Variants in USP34 observed in about 807,000 individuals in gnomAD.
The protein encoded by USP34 is ubiquitin specific peptidase 34, also known as ubiquitin carboxyl-terminal hydrolase 34.
Under a neutral mutation model 460.3 loss-of-function variants are expected in USP34, and 70 were observed. The observed-to-expected ratio is 0.15, with a 90% confidence interval of 0.13 to 0.19. USP34 has a LOEUF of 0.19. USP34 is among the 10% of genes least tolerant of loss of function. The pLI is 1.00. For missense variants in USP34, 3,985 were observed against 4,236.2 expected (o/e 0.94, Z 1.65); for synonymous variants, 1,647 against 1,405.3 (o/e 1.17, Z -3.85).
intron 3 of USP34, among the ~76,000 whole-genome samples, chr2:61,397,463 C>G (rs1033188415): frequency 6.8e-6 from 1 of 147,712 alleles, no homozygotes; most frequent in South Asian, 2.2e-4. Context: ...AAAAAAAATT[C>G]ACGCTGAAAA....
intron 41 of USP34, among the ~76,000 whole-genome samples, chr2:61,272,038 T>C (rs1284815674): frequency 2.6e-5 from 4 of 152,236 alleles, no homozygotes; most frequent in African/African-American, 7.2e-5. Flanking sequence ...TTACCGCCTA[T>C]TACCCTCTGA....
At chr2:61,227,958 A>G (rs1180737674) in intron 61 of USP34, among the ~76,000 whole-genome samples, 1 of 152,210 alleles carries the variant, frequency 6.6e-6, no homozygotes, top group Non-Finnish European at 1.5e-5. Flanking sequence ...TCAAAGAGAT[A>G]TTCACTTGGG....
intron 50 of USP34, 64 bp downstream of exon 50, chr2:61,246,259 CA>C (rs1162036477): frequency 2.0e-5 from 26 of 1,292,866 alleles, no homozygotes; most frequent in Non-Finnish European, 2.6e-5. Context: ...GAAAACTAAA[CA>C]CTGAAAACAT....
At chr2:61,285,286 C>G (rs868357436) in intron 34 of USP34, among the ~76,000 whole-genome samples, 1 of 151,576 alleles carries the variant, frequency 6.6e-6, no homozygotes, top group Admixed American at 6.6e-5. Context: ...CCCAGAAATC[C>G]GACACTAGCT....
Position 61,343,893 on chromosome 2 carries a change from A to G in USP34, c.2422T>C (p.Ser808Pro). 6.2e-7 allele frequency: 1 copy of G among 1,614,002 alleles called. No homozygotes were observed. The highest frequency in any genetic ancestry group is 1.1e-5 in the South Asian group (1 of 91,084). The change falls in exon 16 of 80, where the codon TCA becomes CCA. Residue 808 changes from serine to proline, a missense_variant. Ser to Pro is a moderately conservative substitution (Grantham distance 74). Transcript: ENST00000398571. ...AGGTGAGATGTCAGTTCCGCATGTG[A>G]ATTAATCTGAACTAGCTCCTCTTCA... Reference protein sequence around the residue: ...GCEEELVQINSHAELTSHLQQ... With the variant: ...GCEEELVQINPHAELTSHLQQ...
At chr2:61,257,607 A>G (rs1032770983) in intron 44 of USP34, among the ~76,000 whole-genome samples, 2 of 152,164 alleles carry the variant, frequency 1.3e-5, no homozygotes, top group Non-Finnish European at 2.9e-5. Context: ...CTGAGACTCA[A>G]ATGACTCACA....
chr2:61,397,200 T>C (rs1184940174), intron 3 of USP34, among the ~76,000 whole-genome samples: 1 of 152,122 alleles, frequency 6.6e-6, no homozygotes, highest in Non-Finnish European at 1.5e-5. Flanking sequence ...CCCAGCACTT[T>C]GGGAGGCCAA....
chr2:61,249,308 G>A (rs1688508795), intron 48 of USP34, among the ~76,000 whole-genome samples: 1 of 152,170 alleles, frequency 6.6e-6, no homozygotes, highest in Non-Finnish European at 1.5e-5. Context: ...ATACTGCGAA[G>A]GTAACCAAAA....
chr2:61,443,974 TAA>T (rs1301709596), intron 1 of USP34, among the ~76,000 whole-genome samples: 1 of 152,020 alleles, frequency 6.6e-6, no homozygotes, highest in Non-Finnish European at 1.5e-5. Context: ...AAAACTGCTG[TAA>T]AAAAATAATG....
chr2:61,446,619 A>C (rs957957712), intron 1 of USP34, among the ~76,000 whole-genome samples: 2 of 152,060 alleles, frequency 1.3e-5, no homozygotes, highest in Non-Finnish European at 2.9e-5. Context: ...AACATGGTGA[A>C]GCCCCATCTC....
chr2:61,341,041 T>C (rs1210634196), intron 16 of USP34, among the ~76,000 whole-genome samples: 2 of 152,176 alleles, frequency 1.3e-5, no homozygotes, highest in East Asian at 3.8e-4. Flanking sequence ...CTTTCTTTCC[T>C]TACAAATTAC....
At position 61,333,928 on chromosome 2, in the gene USP34, T is replaced by C; in HGVS notation, c.2788A>G (p.Thr930Ala). 6.3e-7 allele frequency: 1 copy of C among 1,598,980 alleles called. No homozygotes were observed. Among genetic ancestry groups the C allele is most frequent in the Non-Finnish European group, 8.5e-7 (1 of 1,172,558 alleles). Residue 930 changes from threonine to alanine, a missense_variant, in exon 19 of 80, where the codon ACT (threonine) becomes GCT (alanine). Coordinates refer to ENST00000398571, the MANE Select transcript of USP34 (RefSeq NM_014709.4). ...SLRLLPKLFG[T>A]FQQFGSSYDT... ...TAACTGCTCCCAAACTGCTGAAAAG[T>C]ACCAAATAGTTTTGGAAGAAGACGA...
chr2:61,370,962 G>A (rs1219580846), intron 8 of USP34, among the ~76,000 whole-genome samples: 2 of 152,120 alleles, frequency 1.3e-5, no homozygotes, highest in South Asian at 2.1e-4. Context: ...GATAATATCA[G>A]GAAAATAGGT....
chr2:61,293,874 G>C (rs528024605), intron 32 of USP34, among the ~76,000 whole-genome samples: 1 of 152,124 alleles, frequency 6.6e-6, no homozygotes, highest in Admixed American at 6.5e-5. Context: ...AATTGGCCGG[G>C]TATGGTGGCT....
chr2:61,454,869 TC>T (rs1553394787), intron 1 of USP34, among the ~76,000 whole-genome samples: 10,458 of 49,136 alleles, frequency 0.21, 383 homozygotes, highest in Non-Finnish European at 0.23. Context: ...GTTTTTTTTT[TC>T]TTTTTTTTTT....
chr2:61,289,994 G>C (rs1423853142), intron 33 of USP34, among the ~76,000 whole-genome samples: 1 of 152,072 alleles, frequency 6.6e-6, no homozygotes, highest in African/African-American at 2.4e-5. Context: ...ACACACATCA[G>C]AGAAAGACTT....
At position 61,259,761 on chromosome 2, in the gene USP34, T is replaced by C. The variant is rs1219553565; in HGVS notation, c.5794A>G (p.Lys1932Glu). 2 of 1,613,122 alleles carry C rather than the reference T, an allele frequency of 1.2e-6. No individual in the cohort carries two copies. The highest frequency in any genetic ancestry group is 3.3e-5 in the Admixed American group (2 of 59,988). The stretch of plus-strand genomic sequence containing the variant: ...AGCTCCAGAAGAGTGGTCTTGTGCT[T>C]CATATCCTCTGAATACTGAAAATCA... ...VFTAKYSEDM[K>E]HKTTLLELQK... Residue 1932 changes from lysine to glutamate, a missense_variant, in exon 44 of 80, where the codon AAG becomes GAG. Lys to Glu is a moderately conservative substitution (Grantham distance 56, BLOSUM62 1). This residue lies in a region of USP34 where 145 missense variants were observed against 291.6 expected (regional missense o/e 0.50). Transcript: ENST00000398571.
intron 5 of USP34, among the ~76,000 whole-genome samples, chr2:61,393,672 A>G (rs1693423828): frequency 6.6e-6 from 1 of 152,122 alleles, no homozygotes; most frequent in Non-Finnish European, 1.5e-5. Flanking sequence ...CAATATTTTT[A>G]TTTTATAGAT....
chr2:61,345,528 C>T (rs73936124), intron 15 of USP34, among the ~76,000 whole-genome samples: 5 of 152,182 alleles, frequency 3.3e-5, no homozygotes, highest in East Asian at 1.9e-4. Flanking sequence ...TCACTCGTAA[C>T]GACAATGATA....
Sources: allele counts gnomAD v4.1 joint callset (sites outside exome capture counted in the v4.1 genomes callset), GRCh38; gene constraint gnomAD v4.1.1; regional missense constraint gnomAD v4.1.1; transcripts MANE v1.5; gene names NCBI Gene and HGNC (gene_info 2026-07-23, HGNC 2026-07-21).